Variants in RAB12 observed in about 807,000 individuals in gnomAD.
RAB12 encodes the protein ras-related protein Rab-12.
RAB12 carries 11 observed loss-of-function variants against 28.4 expected under a neutral mutation model. That is an observed-to-expected ratio of 0.39 (90% CI 0.24 to 0.64). RAB12 has a LOEUF of 0.64. Ranked by LOEUF, RAB12 falls within the 30% of genes least tolerant of loss-of-function variation. The pLI is 0.50. For synonymous variants in RAB12, 138 were observed against 145.3 expected (o/e 0.95, Z 0.36); for missense variants, 276 against 351.1 (o/e 0.79, Z 1.71).
At chr18:8,625,579 C>G (rs1384531671) in intron 2 of RAB12, among the ~76,000 whole-genome samples, 1 of 152,190 alleles carries the variant, frequency 6.6e-6, no homozygotes, top group African/African-American at 2.4e-5. Flanking sequence ...GAGACTCAAC[C>G]AGCTGTGTTA....
At chr18:8,636,747 C>G (rs1053795608) in intron 5 of RAB12, among the ~76,000 whole-genome samples, 7 of 152,196 alleles carry the variant, frequency 4.6e-5, no homozygotes, top group African/African-American at 1.7e-4. Flanking sequence ...CGTGGTGCTG[C>G]GCTTGCATCC....
chr18:8,613,231 A>G (rs1374425203), intron 1 of RAB12, among the ~76,000 whole-genome samples: 2 of 152,252 alleles, frequency 1.3e-5, no homozygotes, highest in Non-Finnish European at 2.9e-5. Flanking sequence ...TTTTGTTTTC[A>G]TGGAATTTAA....
chr18:8,633,467 G>A (rs1280023609), intron 3 of RAB12, 140 bp downstream of exon 3: 3 of 936,840 alleles, frequency 3.2e-6, no homozygotes, highest in Non-Finnish European at 3.2e-6. Flanking sequence ...TAGCCTTCGG[G>A]ATAGGGATGT....
chr18:8,617,514 A>G (rs897657623), intron 1 of RAB12, among the ~76,000 whole-genome samples: 8 of 151,980 alleles, frequency 5.3e-5, no homozygotes, highest in African/African-American at 1.9e-4. Flanking sequence ...AGGAACTCAA[A>G]TAACATGGTA....
chr18:8,620,830 C>A (rs976772208), intron 1 of RAB12, among the ~76,000 whole-genome samples: 3 of 152,054 alleles, frequency 2.0e-5, no homozygotes, highest in Non-Finnish European at 4.4e-5. Context: ...GGGCCAAGAA[C>A]TGGAACATAG....
chr18:8,610,470 C>G (rs1023751902), intron 1 of RAB12, among the ~76,000 whole-genome samples: 4 of 152,254 alleles, frequency 2.6e-5, no homozygotes, highest in Admixed American at 6.5e-5. Flanking sequence ...GTAAGTTTCT[C>G]GTGCTAGCCG....
chr18:8,614,850 C>G (rs2096005886), intron 1 of RAB12, among the ~76,000 whole-genome samples: 1 of 152,186 alleles, frequency 6.6e-6, no homozygotes, highest in African/African-American at 2.4e-5. Context: ...TCCCAAAGAG[C>G]TAGGATTACA....
At chr18:8,612,593 A>G (rs906088235) in intron 1 of RAB12, among the ~76,000 whole-genome samples, 4 of 152,246 alleles carry the variant, frequency 2.6e-5, no homozygotes, top group African/African-American at 7.2e-5. Flanking sequence ...TGCCTGGACC[A>G]AGATGGGTCA....
intron 1 of RAB12, among the ~76,000 whole-genome samples, chr18:8,615,776 T>G (rs948585370): frequency 6.6e-6 from 1 of 152,254 alleles, no homozygotes; most frequent in Non-Finnish European, 1.5e-5. Flanking sequence ...GGTGTTAGGT[T>G]GTTTATGTTG....
At position 8,638,131 on chromosome 18, in the gene RAB12, T is replaced by C. The variant is rs759707470; in HGVS notation, c.910-18T>C. ...TGTAAAGTTAAAACGGATTTTTTTT[T>C]GTTTGTTTATACGTTAGATGCCTCT... On this transcript the variant is annotated intron_variant, in intron 5 of 5. Coordinates refer to ENST00000649141, the MANE Select transcript of RAB12 (RefSeq NM_001025300.3). 2.6e-6 allele frequency: 4 copies of C among 1,558,712 alleles called. No individual in the cohort carries two copies. In the Admixed American group the frequency reaches 6.7e-5, roughly 26 times the overall value.
intron 1 of RAB12, among the ~76,000 whole-genome samples, chr18:8,618,571 G>A (rs1297590906): frequency 7.9e-5 from 12 of 151,388 alleles, no homozygotes; most frequent in South Asian, 6.3e-4. Context: ...GTACAGTGGC[G>A]CGATATTGGC....
At chr18:8,613,729 C>T (rs1466306791) in intron 1 of RAB12, among the ~76,000 whole-genome samples, 1 of 152,134 alleles carries the variant, frequency 6.6e-6, no homozygotes, top group Non-Finnish European at 1.5e-5. Context: ...GGAAAAAACA[C>T]TAGAGTAAGA....
At chr18:8,631,581 G>A (rs186187197) in intron 2 of RAB12, among the ~76,000 whole-genome samples, 196 of 152,294 alleles carry the variant, frequency 1.3e-3, no homozygotes, top group Non-Finnish European at 2.2e-3. Flanking sequence ...CCACTGCCCG[G>A]TTCCCAGCAC....
intron 1 of RAB12, among the ~76,000 whole-genome samples, chr18:8,613,892 TTACTACA>T (rs1313412449): frequency 1.3e-5 from 2 of 152,154 alleles, no homozygotes; most frequent in South Asian, 4.1e-4. Context: ...TGGTGAGCAC[TTACTACA>T]CCAGCAGAAG....
chr18:8,623,237 T>C (rs1217834153), intron 1 of RAB12, among the ~76,000 whole-genome samples: 1 of 152,204 alleles, frequency 6.6e-6, no homozygotes, highest in Non-Finnish European at 1.5e-5. Flanking sequence ...TGTTTAGAGA[T>C]TGCAGTAAAG....
intron 1 of RAB12, among the ~76,000 whole-genome samples, chr18:8,619,665 T>C (rs796125815): frequency 2.2e-4 from 33 of 152,336 alleles, no homozygotes; most frequent in African/African-American, 6.5e-4. Flanking sequence ...CTGCTGCTTC[T>C]CTGTCATGTG....
intron 1 of RAB12, among the ~76,000 whole-genome samples, chr18:8,621,724 G>T (rs1312218894): frequency 1.3e-5 from 2 of 152,216 alleles, no homozygotes; most frequent in East Asian, 1.9e-4. Context: ...CACCCAGGCA[G>T]TGAGCATAGG....
intron 1 of RAB12, among the ~76,000 whole-genome samples, chr18:8,620,559 CTT>C (rs35318465): frequency 6.8e-6 from 1 of 146,936 alleles, no homozygotes; most frequent in African/African-American, 2.5e-5. Flanking sequence ...ACTCAGATGC[CTT>C]TTTTTTTTTA....
chr18:8,636,588 C>CAGGGTATG (rs2096019085), intron 5 of RAB12, among the ~76,000 whole-genome samples: 1 of 152,194 alleles, frequency 6.6e-6, no homozygotes, highest in Non-Finnish European at 1.5e-5. Context: ...ACTTGCTTCG[C>CAGGGTATG]CTTAAGATAC....
Sources: allele counts gnomAD v4.1 joint callset (sites outside exome capture counted in the v4.1 genomes callset), GRCh38; gene constraint gnomAD v4.1.1; transcripts MANE v1.5; gene names NCBI Gene and HGNC (gene_info 2026-07-23, HGNC 2026-07-21).